Variants in CMSS1 observed in about 807,000 individuals in gnomAD.
CMSS1 encodes protein CMSS1.
In CMSS1, 33 loss-of-function variants were observed where a neutral mutation model predicts 43.5. The observed-to-expected ratio is 0.76, with a 90% CI of 0.57 to 1.01. CMSS1 has a LOEUF of 1.01. CMSS1 is among the 50% of genes least tolerant of loss of function. CMSS1 has a pLI of 0.00. For synonymous variants in CMSS1, 115 were observed against 117.2 expected (o/e 0.98, Z 0.12); for missense variants, 313 against 326.4 (o/e 0.96, Z 0.32).
At chr3:99,975,514 C>A (rs1004106867) in intron 1 of CMSS1, among the ~76,000 whole-genome samples, 3 of 151,958 alleles carry the variant, frequency 2.0e-5, no homozygotes, top group Non-Finnish European at 2.9e-5. Context: ...ATTGCTTGAA[C>A]CCGGGAGGCA....
chr3:99,876,296 G>A (rs1305361357), intron 1 of CMSS1: 1 of 797,572 alleles, frequency 1.3e-6, no homozygotes, highest in African/African-American at 1.9e-5. Context: ...CGGCCGCGGC[G>A]GCGGCGCAGC....
chr3:99,991,934 GTATGTGTATA>G (rs944271721), intron 1 of CMSS1, among the ~76,000 whole-genome samples: 142 of 144,808 alleles, frequency 9.8e-4, no homozygotes, highest in Non-Finnish European at 1.6e-3. Flanking sequence ...ACACACATAT[GTATGTGTATA>G]TATGTGTATA....
chr3:100,102,476 T>C lies in CMSS1; in HGVS notation c.65-44497T>C, dbSNP rs776800043. Among the ~76,000 whole-genome samples the C allele has an allele frequency of 2.2e-4, 33 of 152,368 alleles. 1 individual carries two copies. In the South Asian group the frequency reaches 3.3e-3, roughly 15 times the overall value. On this transcript the variant is annotated intron_variant, in intron 1 of 9. Coordinates refer to ENST00000421999, the MANE Select transcript of CMSS1 (RefSeq NM_032359.4). ...GGATCCTCATCAGCGTGATTTCTGC[T>C]TCTCCACAGGTGTGAGATCTCTCTT...
At chr3:100,071,990 A>G (rs1445237326) in intron 1 of CMSS1, among the ~76,000 whole-genome samples, 2 of 152,214 alleles carry the variant, frequency 1.3e-5, no homozygotes, top group African/African-American at 4.8e-5. Flanking sequence ...TCTCATCTGC[A>G]GCAGTTCAGA....
intron 1 of CMSS1, among the ~76,000 whole-genome samples, chr3:100,030,625 A>G (rs1299919229): frequency 1.3e-5 from 2 of 152,134 alleles, no homozygotes; most frequent in African/African-American, 4.8e-5. Context: ...TCAGTTCACC[A>G]TTTGGAATCA....
At chr3:99,978,066 G>A (rs36077012) in intron 1 of CMSS1, among the ~76,000 whole-genome samples, 31 of 152,002 alleles carry the variant, frequency 2.0e-4, no homozygotes, top group African/African-American at 6.8e-4. Context: ...AGCAATGAAC[G>A]TTTCAAAAGA....
intron 1 of CMSS1, among the ~76,000 whole-genome samples, chr3:100,000,377 A>G: frequency 6.6e-6 from 1 of 152,126 alleles, no homozygotes; most frequent in East Asian, 1.9e-4. Context: ...CCTCCTACTA[A>G]ATGAGGAATA....
At chr3:100,107,341 G>C (rs1323511421) in intron 1 of CMSS1, among the ~76,000 whole-genome samples, 1 of 152,068 alleles carries the variant, frequency 6.6e-6, no homozygotes, top group Non-Finnish European at 1.5e-5. Flanking sequence ...AGTGCATGTG[G>C]GTTTTAAGTA....
At chr3:99,949,835 G>C (rs1020252809) in intron 1 of CMSS1, among the ~76,000 whole-genome samples, 1 of 152,050 alleles carries the variant, frequency 6.6e-6, no homozygotes, top group African/African-American at 2.4e-5. Context: ...TCTTTGATTT[G>C]TTCATATTTT....
chr3:100,083,093 A>T (rs895997486), intron 1 of CMSS1, among the ~76,000 whole-genome samples: 4 of 152,218 alleles, frequency 2.6e-5, no homozygotes, highest in Non-Finnish European at 5.9e-5. Flanking sequence ...AAATAAAATC[A>T]TGTATGGATT....
chr3:100,044,274 G>A (rs946336078), intron 1 of CMSS1, among the ~76,000 whole-genome samples: 1 of 152,224 alleles, frequency 6.6e-6, no homozygotes, highest in African/African-American at 2.4e-5. Context: ...GATTGACATG[G>A]TCTTTGCCCT....
At chr3:99,830,838 A>G (rs1427754707) in intron 1 of CMSS1, among the ~76,000 whole-genome samples, 1 of 152,242 alleles carries the variant, frequency 6.6e-6, no homozygotes, top group Non-Finnish European at 1.5e-5. Flanking sequence ...GTAGATACAG[A>G]GATGAATAGA....
At chr3:100,051,265 A>G (rs563974396) in intron 1 of CMSS1, 1 of 152,206 alleles carries the variant, frequency 6.6e-6, no homozygotes, top group East Asian at 1.9e-4. Flanking sequence ...CCACCTCAAT[A>G]TATGCTGTGC....
chr3:100,129,763 T>G (rs143717389), intron 1 of CMSS1, among the ~76,000 whole-genome samples: 125 of 152,322 alleles, frequency 8.2e-4, no homozygotes, highest in African/African-American at 2.8e-3. Flanking sequence ...TACTTTTGAC[T>G]GAGGTTTTGG....
intron 1 of CMSS1, among the ~76,000 whole-genome samples, chr3:99,972,603 C>A (rs1313967165): frequency 6.6e-6 from 1 of 152,176 alleles, no homozygotes; most frequent in Non-Finnish European, 1.5e-5. Context: ...GTTCATGTTT[C>A]CATGGGCTGT....
At chr3:99,836,021 A>G (rs1377173693) in intron 1 of CMSS1, among the ~76,000 whole-genome samples, 2 of 152,164 alleles carry the variant, frequency 1.3e-5, no homozygotes, top group Admixed American at 6.5e-5. Flanking sequence ...TCAAAGGGAG[A>G]TGAAACGAAA....
intron 1 of CMSS1, among the ~76,000 whole-genome samples, chr3:99,872,525 A>T (rs1350448933): frequency 2.0e-5 from 3 of 151,894 alleles, no homozygotes; most frequent in African/African-American, 7.3e-5. Flanking sequence ...TGTCCCAATC[A>T]TACACTTACC....
chr3:100,053,930 T>G (rs1175245423), intron 1 of CMSS1, among the ~76,000 whole-genome samples: 2 of 152,238 alleles, frequency 1.3e-5, no homozygotes, highest in South Asian at 4.1e-4. Flanking sequence ...TCCAAGTGTT[T>G]CCAAGCATTG....
At chr3:99,837,872 T>C (rs1248705297) in intron 1 of CMSS1, among the ~76,000 whole-genome samples, 1 of 152,244 alleles carries the variant, frequency 6.6e-6, no homozygotes, top group Non-Finnish European at 1.5e-5. Context: ...GTCTTTATAG[T>C]GGCTGGACCT....
Sources: gnomAD v4.1 joint callset for allele counts (sites outside exome capture counted in the v4.1 genomes callset) on GRCh38, gnomAD v4.1.1 for gene constraint, MANE v1.5 for transcripts, NCBI Gene and HGNC (gene_info 2026-07-23, HGNC 2026-07-21) for gene names.